ARHGDIG: variants seen among roughly 807,000 people sequenced by gnomAD.
ARHGDIG encodes the protein rho GDP-dissociation inhibitor 3.
In ARHGDIG, 14 loss-of-function variants were observed where a neutral mutation model predicts 20.2. The ratio of observed to expected loss-of-function variants is 0.69; its 90% CI spans 0.46 to 1.08. The LOEUF (loss-of-function observed/expected upper bound fraction) is 1.08. Ranked by LOEUF, ARHGDIG falls within the 50% of genes least tolerant of loss-of-function variation. The pLI, the probability that ARHGDIG is intolerant of heterozygous loss-of-function variation, is 0.00. For missense variants in ARHGDIG, 311 were observed against 301.8 expected (o/e 1.03, Z -0.23); for synonymous variants, 193 against 138.6 (o/e 1.39, Z -2.76).
At chr16:281,330 TAGAGGGTCAGTAGGTTTGGGGGCC>T (rs2052280306) in intron 1 of ARHGDIG, 2 of 149,800 alleles carry the variant, frequency 1.3e-5, no homozygotes, top group African/African-American at 5.7e-5. Flanking sequence ...CCGAGGGCCC[TAGAGGGTCAGTAGGTTTGGGGGCC>T]GCCGAGGGCC....
chr16:282,218 C>T, intron 3 of ARHGDIG, 79 bp from the exon 4 acceptor site: 3 of 1,605,856 alleles, frequency 1.9e-6, no homozygotes, highest in Middle Eastern at 1.8e-4. Flanking sequence ...CTCATGGGTA[C>T]CACACCCTAC....
chr16:280,612 C>CCGAGGT lies in ARHGDIG; in HGVS notation c.-69_-68insCGAGGT. The stretch of plus-strand genomic sequence containing the variant: ...CCGCAGTCGCGCCGGGGCTGAGCGC[C>CCGAGGT]GAGCGGGGCGGCGGCGGGGCGGGCG... On this transcript the variant is annotated 5_prime_UTR_variant, in exon 1 of 6. Coordinates refer to ENST00000219409, the MANE Select transcript of ARHGDIG (RefSeq NM_001176.4). The surrounding 1 kb of genome is among the most constrained non-coding windows in gnomAD (Gnocchi z 6.6). 1 of 771,318 alleles carries CCGAGGT rather than the reference C, an allele frequency of 1.3e-6. No individual in the cohort carries two copies. Among genetic ancestry groups the CCGAGGT allele is most frequent in the Non-Finnish European group, 1.6e-6 (1 of 638,316 alleles). The allele number at this position is 771,318 out of a possible 1,614,324, so 47.8% of individuals were successfully genotyped here.
Position 280,699 on chromosome 16 carries a change from T to A in ARHGDIG, c.19T>A (p.Cys7Ser). Residue 7 changes from cysteine (C) to serine (S), a missense_variant, in exon 1 of 6, where the codon TGC becomes AGC. Coordinates refer to ENST00000219409, the MANE Select transcript of ARHGDIG (RefSeq NM_001176.4). The surrounding 1 kb of genome is among the most constrained non-coding windows in gnomAD (Gnocchi z 6.6). Reference sequence around the variant, plus strand: ...CGCCGCCATGCTGGGCCTGGACGCGTGCGAGCTGGGGGCGCAGCTGCTGGA... The same window carrying A: ...CGCCGCCATGCTGGGCCTGGACGCGAGCGAGCTGGGGGCGCAGCTGCTGGA... MLGLDA[C>S]ELGAQLLELL... The A allele has an allele frequency of 1.6e-6, 2 of 1,241,496 alleles. No individual in the cohort carries two copies. The highest frequency in any genetic ancestry group is 2.0e-6 in the Non-Finnish European group (2 of 986,432). 76.9% of individuals were successfully genotyped at this position (1,241,496 alleles called of 1,614,324 possible).
At chr16:281,621 C>A in intron 1 of ARHGDIG, 125 bp from the exon 2 acceptor site, 1 of 1,175,936 alleles carries the variant, frequency 8.5e-7, no homozygotes, top group Non-Finnish European at 1.2e-6. Context: ...TCCCTGAGCC[C>A]CCAGAGGCTT....
intron 5 of ARHGDIG, 37 bp downstream of exon 5, chr16:282,567 G>GGGAAGGGGGGGGGGGGGA: frequency 1.0e-6 from 1 of 957,428 alleles, no homozygotes; most frequent in Non-Finnish European, 1.5e-6. Flanking sequence ...GCGGGGGGGG[G>GGGAAGGGGGGGGGGGGGA]AAGCGGGGGC....
Position 281,763 on chromosome 16 carries a change from G to GA in ARHGDIG, c.92dup (p.Gly33TrpfsTer11). On this transcript the variant is annotated frameshift_variant, in exon 2 of 6. Coordinates refer to ENST00000219409, the MANE Select transcript of ARHGDIG (RefSeq NM_001176.4). LOFTEE classifies it high-confidence loss of function. ...ACCCCCAGTCCTCCTGGCTGACAAG[G>GA]AGGGTGGGCCGCCGGCAGTGGACGA... The GA allele has an allele frequency of 6.3e-7, 1 of 1,599,504 alleles. No homozygotes were observed. The highest frequency in any genetic ancestry group is 8.5e-7 in the Non-Finnish European group (1 of 1,173,404).
Position 280,728 on chromosome 16 carries a change from G to A in ARHGDIG, c.48G>A (p.Leu16=), listed in dbSNP as rs2052274537. ...ACELGAQLLE[L]LRLALCARVL... is the part of the protein sequence containing the mutation. ...AGCTGGGGGCGCAGCTGCTGGAGCT[G>A]CTCCGGCTGGCGCTGTGCGCCCGAG... Residue 16 remains leucine (L), a synonymous_variant, in exon 1 of 6, where the codon CTG becomes CTA. Coordinates refer to ENST00000219409, the MANE Select transcript of ARHGDIG (RefSeq NM_001176.4). This position sits in a 1 kb window ranked among gnomAD's most constrained non-coding sequence, Gnocchi z 6.6. The A allele has an allele frequency of 3.1e-6, 4 of 1,296,098 alleles. No homozygotes were observed. Among genetic ancestry groups the A allele is most frequent in the Non-Finnish European group, 3.9e-6 (4 of 1,017,794 alleles). The allele number at this position is 1,296,098 out of a possible 1,614,324, so 80.3% of individuals were successfully genotyped here.
chr16:282,428 C>A (rs1412765231), intron 4 of ARHGDIG, 39 bp from the exon 5 acceptor site: 11 of 1,611,994 alleles, frequency 6.8e-6, no homozygotes, highest in Non-Finnish European at 9.3e-6. Context: ...CAGCCAGAGG[C>A]CTGGCCCCCA....
At chr16:282,415 C>G (rs768425562) in intron 4 of ARHGDIG, 42 bp downstream of exon 4, 1 of 1,611,998 alleles carries the variant, frequency 6.2e-7, no homozygotes, top group Admixed American at 1.7e-5. Flanking sequence ...GGGGTGGGGG[C>G]AACAGCCAGA....
chr16:282,952 C>T lies in ARHGDIG; in HGVS notation c.*138C>T, dbSNP rs2052303984. On this transcript the variant is annotated 3_prime_UTR_variant, in exon 6 of 6. Transcript: ENST00000219409. ...GCTGCCCCTGCTCTGTCCCGGGACC[C>T]CCTGGCCTGGCGCTGTCCCCTGAGC... 3 of 938,570 alleles carry T rather than the reference C, an allele frequency of 3.2e-6. 1 individual carries two copies. The highest frequency in any genetic ancestry group is 3.0e-5 in the East Asian group (1 of 33,500). 58.1% of individuals were successfully genotyped at this position (938,570 alleles called of 1,614,324 possible).
rs1173917424 is a variant in ARHGDIG at position 282,081 on chromosome 16, C to G, written c.310C>G (p.Pro104Ala). Residue 104 changes from proline to alanine, a missense_variant, in exon 3 of 6, where the codon CCG becomes GCG. Transcript: ENST00000219409. Reference protein sequence around the residue: ...TRLTLLSEQAPGPVVMDLTGD... With the variant: ...TRLTLLSEQAAGPVVMDLTGD... ...GCTGACACTCCTGTCGGAACAGGCT[C>G]CGGGGCCCGTCGTCATGGATCTCAC... 2 of 1,612,782 alleles carry G rather than the reference C, an allele frequency of 1.2e-6. No individual in the cohort carries two copies. The highest frequency in any genetic ancestry group is 2.2e-5 in the East Asian group (1 of 44,866).
rs1411875194 is a variant in ARHGDIG, at chr16:282,549, G to T, written c.478+19G>T. ...CTGCGCGGTGAGGGCAGCGGTGGGG[G>T]GAACGGGGCGGGGGGGGGAAGCGGG... On this transcript the variant is annotated intron_variant, in intron 5 of 5. Coordinates refer to ENST00000219409, the MANE Select transcript of ARHGDIG (RefSeq NM_001176.4). 1 of 1,542,158 alleles carries T rather than the reference G, an allele frequency of 6.5e-7. No homozygotes were observed. Among genetic ancestry groups the T allele is most frequent in the Non-Finnish European group, 8.7e-7 (1 of 1,146,102 alleles).
rs750455744 is a variant in ARHGDIG at position 282,562 on chromosome 16, G to C, written c.478+32G>C. 1,293 of 1,544,306 alleles carry C rather than the reference G, an allele frequency of 8.4e-4. 1 individual carries two copies. Among genetic ancestry groups the C allele is most frequent in the Non-Finnish European group, 1.0e-3 (1,184 of 1,143,990 alleles). On this transcript the variant is annotated intron_variant, in intron 5 of 5. Coordinates refer to ENST00000219409, the MANE Select transcript of ARHGDIG (RefSeq NM_001176.4). ...GCAGCGGTGGGGGGAACGGGGCGGG[G>C]GGGGGAAGCGGGGGCAGACAGAGGA...
Position 280,817 on chromosome 16 carries a change from TC to T in ARHGDIG, c.73+69del. ...TCAGCCCCGGGCGGGGAGTAGCCCCTCCCCCGCGGCAACTTTGGGGGCGCGC... is the reference window on the plus strand; with the variant it reads ...TCAGCCCCGGGCGGGGAGTAGCCCCTCCCCGCGGCAACTTTGGGGGCGCGC... On this transcript the variant is annotated intron_variant, in intron 1 of 5. Coordinates refer to ENST00000219409, the MANE Select transcript of ARHGDIG (RefSeq NM_001176.4). The surrounding 1 kb of genome is among the most constrained non-coding windows in gnomAD (Gnocchi z 6.6). 3.5e-6 allele frequency: 4 copies of T among 1,130,110 alleles called. No homozygotes were observed. The highest frequency in any genetic ancestry group is 4.9e-5 in the Admixed American group (1 of 20,548). The allele number at this position is 1,130,110 out of a possible 1,614,324, so 70.0% of individuals were successfully genotyped here.
chr16:282,436 C>T (rs1338397033), intron 4 of ARHGDIG, 31 bp from the exon 5 acceptor site: 1 of 1,612,112 alleles, frequency 6.2e-7, no homozygotes, highest in East Asian at 2.2e-5. Flanking sequence ...GGCCTGGCCC[C>T]CAGAGGAACC....
Position 282,092 on chromosome 16 carries a change from C to T in ARHGDIG, c.321C>T (p.Val107=), listed in dbSNP as rs147346513. ...TGTCGGAACAGGCTCCGGGGCCCGT[C>T]GTCATGGATCTCACAGGTAACTCGC... The part of the protein sequence containing the change: ...TLLSEQAPGP[V]VMDLTGDLAV... The change falls in exon 3 of 6, where the codon GTC becomes GTT. Residue 107 remains valine (V), a synonymous_variant. Coordinates refer to ENST00000219409, the MANE Select transcript of ARHGDIG (RefSeq NM_001176.4). 2.3e-3 allele frequency: 3,780 copies of T among 1,612,870 alleles called. 8 individuals carry two copies. The highest frequency in any genetic ancestry group is 2.9e-3 in the Non-Finnish European group (3,426 of 1,179,934).
At position 282,958 on chromosome 16, in the gene ARHGDIG, C is replaced by A; in HGVS notation, c.*144C>A. The A allele has an allele frequency of 1.0e-6, 1 of 961,870 alleles. No homozygotes were observed. Among genetic ancestry groups the A allele is most frequent in the Non-Finnish European group, 1.5e-6 (1 of 678,262 alleles). 59.6% of individuals were successfully genotyped at this position (961,870 alleles called of 1,614,324 possible). A position where few individuals can be genotyped will look rare whatever the true frequency, so the allele number is the denominator to read the frequency against. ...CCTGCTCTGTCCCGGGACCCCCTGG[C>A]CTGGCGCTGTCCCCTGAGCTGTCCC... On this transcript the variant is annotated 3_prime_UTR_variant, in exon 6 of 6. Coordinates refer to ENST00000219409, the MANE Select transcript of ARHGDIG (RefSeq NM_001176.4).
rs756794428 is a variant in ARHGDIG, at chr16:281,900, G to T, written c.228G>T (p.Leu76=). ...GCCTGGCCAAGTACAAGCGGGTGCT[G>T]CTGGGGCCCCTGCCACCGGCCGTGG... ...DRSLAKYKRV[L]LGPLPPAVDP... The change falls in exon 2 of 6, where the codon CTG becomes CTT. Residue 76 remains leucine, a synonymous_variant. Coordinates refer to ENST00000219409, the MANE Select transcript of ARHGDIG (RefSeq NM_001176.4). 4.4e-6 allele frequency: 7 copies of T among 1,607,372 alleles called. No homozygotes were observed. Among genetic ancestry groups the T allele is most frequent in the Non-Finnish European group, 5.9e-6 (7 of 1,178,938 alleles).
chr16:282,456 T>G lies in ARHGDIG; in HGVS notation c.415-11T>G. On this transcript the variant is annotated splice_polypyrimidine_tract_variant and intron_variant, in intron 4 of 5. Coordinates refer to ENST00000219409, the MANE Select transcript of ARHGDIG (RefSeq NM_001176.4). ...GGCCCCCAGAGGAACCCCTAATGCC[T>G]CTGTTCCCAGGTCCACAGGGAGATT... 6.2e-7 allele frequency: 1 copy of G among 1,611,578 alleles called. No individual in the cohort carries two copies. The highest frequency in any genetic ancestry group is 8.5e-7 in the Non-Finnish European group (1 of 1,179,816).
Sources: gnomAD v4.1 joint callset for allele counts on GRCh38, gnomAD v4.1.1 for gene constraint, Gnocchi (gnomAD v3.1) non-coding constraint, MANE v1.5 for transcripts, NCBI Gene and HGNC (gene_info 2026-07-23, HGNC 2026-07-21) for gene names.